KCNT2: variants seen among roughly 807,000 people sequenced by gnomAD.
KCNT2 encodes the protein potassium sodium-activated channel subfamily T member 2, also known as potassium channel subfamily T member 2.
A neutral mutation model predicts 153.8 loss-of-function variants in KCNT2; 67 were observed. The ratio of observed to expected loss-of-function variants is 0.44; its 90% confidence interval spans 0.36 to 0.53. KCNT2 has a LOEUF of 0.53. Ranked by LOEUF, KCNT2 falls within the 20% of genes least tolerant of loss-of-function variation. The pLI is 0.00. For missense variants in KCNT2, 975 were observed against 1,354.8 expected, an observed-to-expected ratio of 0.72 and a Z score of 4.40; for synonymous variants, 500 against 458.8, an observed-to-expected ratio of 1.09 and a Z score of -1.15.
At chr1:196,530,358 G>A (rs921121959) in intron 1 of KCNT2, among the ~76,000 whole-genome samples, 1 of 151,890 alleles carries the variant, frequency 6.6e-6, no homozygotes, top group Non-Finnish European at 1.5e-5. Context: ...AAGACAATTA[G>A]TTAAATATTT....
chr1:196,346,088 C>T (rs570462898), intron 14 of KCNT2, among the ~76,000 whole-genome samples: 36 of 151,814 alleles, frequency 2.4e-4, no homozygotes, highest in African/African-American at 8.0e-4. Context: ...ATTCTTATAC[C>T]TTTTGAATGT....
chr1:196,534,930 G>A (rs1170387938), intron 1 of KCNT2, among the ~76,000 whole-genome samples: 1 of 152,140 alleles, frequency 6.6e-6, no homozygotes, highest in Admixed American at 6.5e-5. Context: ...ACTAGCCACA[G>A]CCTGGACTGC....
chr1:196,486,410 T>C (rs899867957), intron 3 of KCNT2, among the ~76,000 whole-genome samples: 7 of 151,970 alleles, frequency 4.6e-5, no homozygotes, highest in Non-Finnish European at 7.4e-5. Flanking sequence ...TATGAAGCAT[T>C]ATTGTGAAAA....
At chr1:196,230,982 A>T (rs1653900456) in intron 27 of KCNT2, among the ~76,000 whole-genome samples, 1 of 151,914 alleles carries the variant, frequency 6.6e-6, no homozygotes, top group African/African-American at 2.4e-5. Context: ...TAAATATTGC[A>T]TGAAAGAAAG....
intron 12 of KCNT2, among the ~76,000 whole-genome samples, chr1:196,399,603 A>G (rs1198490847): frequency 6.6e-6 from 1 of 151,784 alleles, no homozygotes; most frequent in Non-Finnish European, 1.5e-5. Flanking sequence ...GATCCAAAAT[A>G]CAGATAGACA....
chr1:196,552,473 G>T (rs1164875345), intron 1 of KCNT2, among the ~76,000 whole-genome samples: 1 of 151,382 alleles, frequency 6.6e-6, no homozygotes, highest in Non-Finnish European at 1.5e-5. Context: ...ACAACCAAAA[G>T]CTGAGGGATT....
chr1:196,264,153 G>GA (rs1657294969), intron 25 of KCNT2, among the ~76,000 whole-genome samples: 1 of 152,004 alleles, frequency 6.6e-6, no homozygotes, highest in Admixed American at 6.6e-5. Context: ...TTTAAGCACA[G>GA]AAAAATCTTA....
intron 1 of KCNT2, among the ~76,000 whole-genome samples, chr1:196,499,895 G>A (rs529548246): frequency 6.6e-6 from 1 of 152,190 alleles, no homozygotes; most frequent in Admixed American, 6.5e-5. Context: ...TGTAATCCCA[G>A]CACTTTGGAA....
chr1:196,242,764 G>T (rs1339600929), intron 26 of KCNT2, among the ~76,000 whole-genome samples: 2 of 152,078 alleles, frequency 1.3e-5, no homozygotes, highest in African/African-American at 4.8e-5. Flanking sequence ...TCTTAGAATA[G>T]CTTCATACTA....
At chr1:196,551,356 C>A (rs1657877903) in intron 1 of KCNT2, among the ~76,000 whole-genome samples, 1 of 151,712 alleles carries the variant, frequency 6.6e-6, no homozygotes, top group Non-Finnish European at 1.5e-5. Flanking sequence ...ATAGAAGAAC[C>A]AGTGGCAGGT....
chr1:196,343,386 T>G (rs1249779349), intron 14 of KCNT2, among the ~76,000 whole-genome samples: 1 of 152,152 alleles, frequency 6.6e-6, no homozygotes, highest in Non-Finnish European at 1.5e-5. Flanking sequence ...TTCATTTACC[T>G]TTGCTGAATA....
chr1:196,375,641 A>G (rs1316925699), intron 13 of KCNT2, among the ~76,000 whole-genome samples: 2 of 151,494 alleles, frequency 1.3e-5, no homozygotes, highest in Non-Finnish European at 3.0e-5. Flanking sequence ...TCTCTTTCAT[A>G]TTAGAATTAG....
chr1:196,342,928 G>C (rs930819401), intron 14 of KCNT2: 7 of 152,056 alleles, frequency 4.6e-5, no homozygotes, highest in African/African-American at 1.7e-4. Context: ...CCTTTGAGAG[G>C]CAATTAGGTT....
intron 1 of KCNT2, among the ~76,000 whole-genome samples, chr1:196,501,387 T>A (rs1481165834): frequency 6.6e-6 from 1 of 151,952 alleles, no homozygotes; most frequent in Admixed American, 6.6e-5. Context: ...ACACACACAA[T>A]GGAATACTGT....
chr1:196,480,486 A>G (rs962524995), intron 4 of KCNT2, among the ~76,000 whole-genome samples: 2 of 152,154 alleles, frequency 1.3e-5, no homozygotes, highest in Admixed American at 6.6e-5. Flanking sequence ...ATAATTACTC[A>G]TGCTTTTTTT....
At chr1:196,466,748 T>TC (rs1358481357) in intron 7 of KCNT2, among the ~76,000 whole-genome samples, 2 of 152,050 alleles carry the variant, frequency 1.3e-5, no homozygotes, top group African/African-American at 4.8e-5. Flanking sequence ...CATTTGCCCA[T>TC]CACATTGTTC....
intron 13 of KCNT2, among the ~76,000 whole-genome samples, chr1:196,389,287 C>T (rs1023638003): frequency 1.3e-5 from 2 of 151,636 alleles, no homozygotes; most frequent in Non-Finnish European, 3.0e-5. Context: ...TATCAGTTTG[C>T]AATTTTCTTT....
chr1:196,244,950 G>T (rs1655301636), intron 26 of KCNT2, among the ~76,000 whole-genome samples: 1 of 152,130 alleles, frequency 6.6e-6, no homozygotes, highest in Non-Finnish European at 1.5e-5. Flanking sequence ...AGTAGTGCTG[G>T]CCAGAGGGGT....
intron 12 of KCNT2, among the ~76,000 whole-genome samples, chr1:196,398,884 TAGAAAAGATTAAG>T (rs1030788156): frequency 1.3e-4 from 19 of 151,598 alleles, no homozygotes; most frequent in African/African-American, 4.6e-4. Flanking sequence ...CTTAGAATAT[TAGAAAAGATTAAG>T]AGAAAAAATA....
Sources: allele counts gnomAD v4.1 joint callset (sites outside exome capture counted in the v4.1 genomes callset), GRCh38; gene constraint gnomAD v4.1.1; transcripts MANE v1.5; gene names NCBI Gene and HGNC (gene_info 2026-07-23, HGNC 2026-07-21).